Variants in TBC1D5 observed in about 807,000 individuals in gnomAD.
TBC1D5 encodes TBC1 domain family, member 5.
In TBC1D5, 75 loss-of-function variants were observed where a neutral mutation model predicts 100.3. That is an observed-to-expected ratio of 0.75 (90% CI 0.62 to 0.91). The LOEUF is 0.91. Among genes scored for constraint, TBC1D5 ranks in the 40% least tolerant of loss-of-function variants. TBC1D5 has a pLI of 0.00. For synonymous variants in TBC1D5, 323 were observed against 325.6 expected (o/e 0.99, Z 0.09); for missense variants, 910 against 942.4 (o/e 0.97, Z 0.45).
chr3:17,729,408 G>T, intron 1 of TBC1D5, among the ~76,000 whole-genome samples: 1 of 151,440 alleles, frequency 6.6e-6, no homozygotes. Flanking sequence ...CAATTAAAAT[G>T]TAAAAATTAG....
At chr3:17,363,157 C>T (rs1012151053) in intron 13 of TBC1D5, among the ~76,000 whole-genome samples, 2 of 152,130 alleles carry the variant, frequency 1.3e-5, no homozygotes, top group African/African-American at 4.8e-5. Flanking sequence ...CTTGGCATAA[C>T]ATTTCCCCTA....
At chr3:17,208,137 A>T (rs1262740622) in intron 18 of TBC1D5, among the ~76,000 whole-genome samples, 2 of 152,234 alleles carry the variant, frequency 1.3e-5, no homozygotes, top group Non-Finnish European at 2.9e-5. Context: ...ACCCAGTCAT[A>T]GGTTCTGGTG....
intron 3 of TBC1D5, among the ~76,000 whole-genome samples, chr3:17,463,365 C>T (rs965951071): frequency 6.6e-6 from 1 of 152,092 alleles, no homozygotes; most frequent in Non-Finnish European, 1.5e-5. Context: ...ATACTACAGT[C>T]GATCATCTCA....
intron 2 of TBC1D5, among the ~76,000 whole-genome samples, chr3:17,517,381 T>C (rs1176655338): frequency 6.6e-6 from 1 of 152,302 alleles, no homozygotes; most frequent in East Asian, 1.9e-4. Context: ...GTCCTTGTGT[T>C]TCATTTAAAA....
intron 2 of TBC1D5, among the ~76,000 whole-genome samples, chr3:17,607,854 C>G (rs2061434532): frequency 6.6e-6 from 1 of 152,120 alleles, no homozygotes; most frequent in South Asian, 2.1e-4. Context: ...AAAACTACAG[C>G]ATCATTTCAA....
intron 1 of TBC1D5, among the ~76,000 whole-genome samples, chr3:17,661,012 A>G (rs1292359972): frequency 6.6e-6 from 1 of 152,232 alleles, no homozygotes; most frequent in East Asian, 1.9e-4. Context: ...CTACATGACC[A>G]CTTAATAGAC....
chr3:17,193,781 A>G (rs968208962), intron 18 of TBC1D5, among the ~76,000 whole-genome samples: 1 of 152,202 alleles, frequency 6.6e-6, no homozygotes, highest in Non-Finnish European at 1.5e-5. Context: ...TCTAGCAGTG[A>G]CCTTATAGCG....
At chr3:17,464,003 G>C (rs1189915448) in intron 3 of TBC1D5, among the ~76,000 whole-genome samples, 1 of 137,894 alleles carries the variant, frequency 7.3e-6, no homozygotes, top group African/African-American at 2.8e-5. Context: ...CCAGGCTGGA[G>C]TGCCACGGCG....
chr3:17,167,826 T>C, exon 20 of TBC1D5: 2 of 1,590,958 alleles, frequency 1.3e-6, no homozygotes, highest in South Asian at 1.1e-5. Flanking sequence ...TCTTGAATAT[T>C]TACTGAAAAT....
intron 2 of TBC1D5, among the ~76,000 whole-genome samples, chr3:17,555,950 C>T (rs1211779306): frequency 6.6e-6 from 1 of 152,184 alleles, no homozygotes; most frequent in Non-Finnish European, 1.5e-5. Flanking sequence ...CAAGAGGATC[C>T]ATTCAGTTGA....
In TBC1D5 at chr3:17,720,266, CA is replaced by C. The variant is rs2075585557; in HGVS notation, c.-101+19076del. On this transcript the variant is annotated intron_variant, in intron 1 of 21. Transcript: ENST00000253692. ...TAACCTGAAAAAAACTGAAAAGCTACAAATGTAACACATTTGTGTAGCCAAC... is the reference window on the plus strand; with the variant it reads ...TAACCTGAAAAAAACTGAAAAGCTACAATGTAACACATTTGTGTAGCCAAC... Among the ~76,000 whole-genome samples, 9 of 152,188 alleles carry C rather than the reference CA, an allele frequency of 5.9e-5. 1 individual carries two copies. Among genetic ancestry groups the C allele is most frequent in the African/African-American group, 2.2e-4 (9 of 41,538 alleles).
intron 2 of TBC1D5, among the ~76,000 whole-genome samples, chr3:17,560,115 A>ATTAAGT (rs1329327271): frequency 3.3e-5 from 5 of 152,198 alleles, no homozygotes; most frequent in Non-Finnish European, 5.9e-5. Flanking sequence ...TATCTAAGGG[A>ATTAAGT]TTAAGTTTAA....
chr3:17,647,416 G>A (rs1351650936), intron 1 of TBC1D5, among the ~76,000 whole-genome samples: 1 of 152,158 alleles, frequency 6.6e-6, no homozygotes, highest in Non-Finnish European at 1.5e-5. Context: ...GGGAATAAGG[G>A]AAGTTGGCGT....
intron 13 of TBC1D5, among the ~76,000 whole-genome samples, chr3:17,342,453 C>T (rs73145846): frequency 0.09 from 13,631 of 152,188 alleles, 1,405 homozygotes; most frequent in African/African-American, 0.25. Context: ...CTTCTACACA[C>T]CAAGATGAAC....
In TBC1D5 at chr3:17,499,956, T is replaced by C. The variant is rs532500330; in HGVS notation, c.97+8518A>G. Among the ~76,000 whole-genome samples the C allele has an allele frequency of 5.0e-4, 75 of 149,522 alleles. 7 individuals carry two copies. Among genetic ancestry groups the C allele is most frequent in the African/African-American group, 1.8e-3 (71 of 39,344 alleles). Reference sequence around the variant, plus strand: ...GAATACTAGAAAGGATGGTGGAGAATATATCTTAAGACATGGATATCCTTT... The same window carrying C: ...GAATACTAGAAAGGATGGTGGAGAACATATCTTAAGACATGGATATCCTTT... On this transcript the variant is annotated intron_variant, in intron 3 of 21. Transcript: ENST00000253692.
exon 8 of TBC1D5, chr3:17,403,237 G>A: frequency 6.3e-7 from 1 of 1,587,904 alleles, no homozygotes; most frequent in Non-Finnish European, 8.6e-7. Context: ...GGAAGAATTT[G>A]TTCCAAAGAC....
intron 13 of TBC1D5, among the ~76,000 whole-genome samples, chr3:17,349,970 C>T (rs1250670147): frequency 6.6e-6 from 1 of 152,110 alleles, no homozygotes; most frequent in Non-Finnish European, 1.5e-5. Flanking sequence ...TTCTGTCATG[C>T]CCTATGAAAT....
chr3:17,254,683 T>C (rs537292168), intron 16 of TBC1D5, among the ~76,000 whole-genome samples: 1 of 150,726 alleles, frequency 6.6e-6, no homozygotes, highest in Non-Finnish European at 1.5e-5. Context: ...TAATTTTAAG[T>C]TCATTTTATC....
chr3:17,404,792 C>T, intron 6 of TBC1D5, 24 bp from the exon 7 acceptor site: 1 of 1,598,730 alleles, frequency 6.3e-7, no homozygotes, highest in Non-Finnish European at 8.5e-7. Context: ...AGAAAACACA[C>T]ACACAAGGAT....
Sources: gnomAD v4.1 joint callset for allele counts (sites outside exome capture counted in the v4.1 genomes callset) on GRCh38, gnomAD v4.1.1 for gene constraint, MANE v1.5 for transcripts, NCBI Gene and HGNC (gene_info 2026-07-23, HGNC 2026-07-21) for gene names.